The following DGKB variants were observed in gnomAD, a reference collection of about 807,000 sequenced individuals.
DGKB encodes diacylglycerol kinase beta.
DGKB carries 67 observed loss-of-function variants against 114.3 expected under a neutral mutation model. The observed-to-expected ratio is 0.59, with a 90% CI of 0.48 to 0.72. The LOEUF (loss-of-function observed/expected upper bound fraction) is 0.72. Among genes scored for constraint, DGKB ranks in the 30% least tolerant of loss-of-function variants. The probability of loss-of-function intolerance (pLI) is 0.00; values close to 1 mark genes in which losing one functional copy is unlikely to be tolerated. For synonymous variants in DGKB, 398 were observed against 323.1 expected, an observed-to-expected ratio of 1.23 and a Z score of -2.49; for missense variants, 907 against 975.2, an observed-to-expected ratio of 0.93 and a Z score of 0.93.
At chr7:14,855,008 C>A (rs1009756809) in intron 1 of DGKB, among the ~76,000 whole-genome samples, 1 of 152,074 alleles carries the variant, frequency 6.6e-6, no homozygotes, top group Non-Finnish European at 1.5e-5. Flanking sequence ...TTCAAATGAA[C>A]AGAAACTCTA....
intron 20 of DGKB, among the ~76,000 whole-genome samples, chr7:14,501,107 C>G (rs896517284): frequency 1.3e-5 from 2 of 151,768 alleles, no homozygotes; most frequent in Non-Finnish European, 2.9e-5. Flanking sequence ...TAAGAATTGG[C>G]TTCAGGGAAA....
intron 25 of DGKB, among the ~76,000 whole-genome samples, chr7:14,169,926 G>A (rs1780602686): frequency 6.6e-6 from 1 of 151,788 alleles, no homozygotes; most frequent in South Asian, 2.1e-4. Flanking sequence ...CCTGAGGTTG[G>A]GAGTTCAAGA....
chr7:14,508,076 A>G (rs551259840), intron 20 of DGKB, among the ~76,000 whole-genome samples: 1 of 152,338 alleles, frequency 6.6e-6, no homozygotes, highest in East Asian at 1.9e-4. Context: ...ATAGACAATC[A>G]GGCGGCATAT....
chr7:14,409,224 C>T (rs1006117065), intron 21 of DGKB, among the ~76,000 whole-genome samples: 11 of 152,012 alleles, frequency 7.2e-5, no homozygotes, highest in African/African-American at 2.7e-4. Context: ...GCTAATCATC[C>T]CGAGGGAGCA....
chr7:14,242,864 C>CT (rs1283218926), intron 23 of DGKB, among the ~76,000 whole-genome samples: 27 of 66,440 alleles, frequency 4.1e-4, no homozygotes, highest in Non-Finnish European at 6.0e-4. Context: ...TATATGAAGG[C>CT]TGTTTTTTTT....
chr7:14,330,371 C>T (rs1054666387), intron 23 of DGKB, among the ~76,000 whole-genome samples: 1 of 151,876 alleles, frequency 6.6e-6, no homozygotes. Flanking sequence ...TCCCTGTGTA[C>T]CTTTTTGGAT....
chr7:14,467,953 G>A (rs1331236442), intron 21 of DGKB, among the ~76,000 whole-genome samples: 2 of 152,044 alleles, frequency 1.3e-5, no homozygotes, highest in Non-Finnish European at 2.9e-5. Context: ...CTGTAAAGAA[G>A]TGTTACAACG....
chr7:14,637,511 T>C lies in DGKB; in HGVS notation c.1135-7243A>G, dbSNP rs530972561. 5.3e-5 allele frequency among the ~76,000 whole-genome samples: 8 copies of C among 151,568 alleles called. No homozygotes were observed. The South Asian group carries it at 1.5e-3, about 28-fold the overall frequency. ...TCTTTTTTACAAGAATGTTTAACTC[T>C]ATAAGATTATATATATATGTGTGTA... On this transcript the variant is annotated intron_variant, in intron 13 of 25. Coordinates refer to ENST00000402815, the MANE Select transcript of DGKB (RefSeq NM_001350709.2).
intron 21 of DGKB, among the ~76,000 whole-genome samples, chr7:14,376,138 A>G (rs1818447835): frequency 6.6e-6 from 1 of 152,206 alleles, no homozygotes; most frequent in South Asian, 2.1e-4. Context: ...GCCCTGAGGC[A>G]GAAAGCAGGT....
At chr7:14,201,885 T>C (rs1785944938) in intron 23 of DGKB, among the ~76,000 whole-genome samples, 2 of 152,020 alleles carry the variant, frequency 1.3e-5, no homozygotes, top group South Asian at 4.1e-4. Context: ...AGACAATCAA[T>C]AAGCATACGT....
chr7:14,603,025 A>G (rs1259988255), intron 17 of DGKB, among the ~76,000 whole-genome samples: 1 of 152,150 alleles, frequency 6.6e-6, no homozygotes, highest in Non-Finnish European at 1.5e-5. Context: ...ATGCATGTAA[A>G]AGGTGACTAA....
At chr7:14,735,278 G>T (rs1831544072) in intron 5 of DGKB, among the ~76,000 whole-genome samples, 1 of 152,102 alleles carries the variant, frequency 6.6e-6, no homozygotes, top group East Asian at 1.9e-4. Context: ...AGGTTTGCTA[G>T]GCAACCCCTC....
chr7:14,604,027 T>C (rs961353827), intron 17 of DGKB, among the ~76,000 whole-genome samples: 2 of 152,148 alleles, frequency 1.3e-5, no homozygotes, highest in African/African-American at 4.8e-5. Flanking sequence ...GAAAACATAT[T>C]GTTATATAAA....
intron 21 of DGKB, among the ~76,000 whole-genome samples, chr7:14,459,250 G>A (rs759480702): frequency 2.2e-4 from 33 of 152,214 alleles, no homozygotes; most frequent in Admixed American, 7.2e-4. Flanking sequence ...CAGAGCACCC[G>A]GGGGAAGGGG....
At chr7:14,408,157 C>T (rs190303815) in intron 21 of DGKB, among the ~76,000 whole-genome samples, 75 of 152,160 alleles carry the variant, frequency 4.9e-4, no homozygotes, top group Middle Eastern at 3.4e-3. Context: ...CCCTCTTTCA[C>T]GGTTTAATGA....
intron 23 of DGKB, among the ~76,000 whole-genome samples, chr7:14,197,816 G>T (rs1785241792): frequency 6.6e-6 from 1 of 152,070 alleles, no homozygotes; most frequent in Non-Finnish European, 1.5e-5. Context: ...CCTACTAGTG[G>T]TTTCTGTTTG....
At chr7:14,159,743 C>G (rs1346289872) in intron 25 of DGKB, among the ~76,000 whole-genome samples, 3 of 152,172 alleles carry the variant, frequency 2.0e-5, no homozygotes, top group Non-Finnish European at 4.4e-5. Flanking sequence ...CATCTTGGCT[C>G]ATTGCAACCA....
intron 21 of DGKB, among the ~76,000 whole-genome samples, chr7:14,388,265 C>T (rs1448446618): frequency 1.1e-5 from 1 of 89,820 alleles, no homozygotes; most frequent in Non-Finnish European, 3.0e-5. Context: ...TAATGTGAAG[C>T]CAAAAAAAAA....
At chr7:14,967,522 T>G (rs1213723177) in intron 1 of DGKB, among the ~76,000 whole-genome samples, 1 of 151,690 alleles carries the variant, frequency 6.6e-6, no homozygotes, top group African/African-American at 2.4e-5. Context: ...GGTTTCACCA[T>G]GTTGGCCAGG....
Sources: gnomAD v4.1 joint callset for allele counts (sites outside exome capture counted in the v4.1 genomes callset) on GRCh38, gnomAD v4.1.1 for gene constraint, MANE v1.5 for transcripts, NCBI Gene and HGNC (gene_info 2026-07-23, HGNC 2026-07-21) for gene names.